The following MPG variants were observed in gnomAD, a reference collection of about 807,000 sequenced individuals.
The protein encoded by MPG is N-methylpurine DNA glycosylase.
Under a neutral mutation model 31.7 loss-of-function variants are expected in MPG, and 33 were observed. That is an observed-to-expected ratio of 1.04 (90% CI 0.79 to 1.39). The LOEUF (loss-of-function observed/expected upper bound fraction) is 1.39, where lower values mean the gene tolerates loss of function less well. Among genes scored for constraint, MPG ranks in the 40% most tolerant of loss-of-function variants. MPG has a pLI of 0.00. For synonymous variants in MPG, 202 were observed against 169.2 expected (o/e 1.19, Z -1.51); for missense variants, 455 against 415.5 (o/e 1.10, Z -0.83).
At chr16:78,102 C>T, upstream of MPG, 1 of 339,124 alleles carries the variant, frequency 2.9e-6, no homozygotes, top group Middle Eastern at 8.4e-4. Context: ...TGGCGGTGGG[C>T]GCTGGGAAGA....
At chr16:81,179 G>A (rs1247478303) in intron 2 of MPG, among the ~76,000 whole-genome samples, 1 of 152,208 alleles carries the variant, frequency 6.6e-6, no homozygotes, top group East Asian at 1.9e-4. Flanking sequence ...GGCTGAGGAG[G>A]GTGTGGTCTC....
At position 78,226 on chromosome 16, in the gene MPG, G is replaced by A; in HGVS notation, c.-84G>A. On this transcript the variant is annotated 5_prime_UTR_variant, in exon 1 of 4. Coordinates refer to ENST00000356432, the MANE Select transcript of MPG (RefSeq NM_001015052.3). ...TCTGCGCAGGCGCCGCTCCGCCCCGGTCCTAGGGGTGCTTCCGTGGTCGGC... is the reference window on the plus strand; with the variant it reads ...TCTGCGCAGGCGCCGCTCCGCCCCGATCCTAGGGGTGCTTCCGTGGTCGGC... 2.3e-6 allele frequency: 3 copies of A among 1,295,894 alleles called. No individual in the cohort carries two copies. Among genetic ancestry groups the A allele is most frequent in the South Asian group, 3.2e-5 (2 of 61,870 alleles). The allele number at this position is 1,295,894 out of a possible 1,614,324, so 80.3% of individuals were successfully genotyped here.
intron 2 of MPG, 91 bp from the exon 3 acceptor site, chr16:82,961 T>TGAGCTGGGGAGATGAGGTCC (rs1159555652): frequency 8.4e-7 from 1 of 1,195,236 alleles, no homozygotes; most frequent in Non-Finnish European, 1.2e-6. Flanking sequence ...TGACACACCC[T>TGAGCTGGGGAGATGAGGTCC]GAGCTGGGGA....
rs1898423192 is a variant in MPG at position 85,626 on chromosome 16, T to C, written c.731T>C (p.Leu244Pro). The change falls in exon 4 of 4, where the codon CTG (leucine) becomes CCG (proline). Residue 244 changes from leucine to proline, a missense_variant. Leu to Pro is a moderately conservative substitution (Grantham distance 98). Coordinates refer to ENST00000356432, the MANE Select transcript of MPG (RefSeq NM_001015052.3). ...GCTGTATGGCTGGAGCGTGGTCCCC[T>C]GGAGCCCAGTGAGCCGGCTGTAGTG... ...DEAVWLERGPLEPSEPAVVAA... is the reference protein window; with the variant it reads ...DEAVWLERGPPEPSEPAVVAA... 3 of 1,597,514 alleles carry C rather than the reference T, an allele frequency of 1.9e-6. No individual in the cohort carries two copies. Among genetic ancestry groups the C allele is most frequent in the South Asian group, 2.2e-5 (2 of 90,472 alleles).
chr16:79,906 G>A, intron 2 of MPG: 2 of 656,270 alleles, frequency 3.0e-6, no homozygotes, highest in East Asian at 2.8e-5. Context: ...TGTCAGTGCT[G>A]CTTGCCCAGG....
chr16:84,926 T>A (rs930795428), intron 3 of MPG, among the ~76,000 whole-genome samples: 2 of 152,226 alleles, frequency 1.3e-5, no homozygotes, highest in Non-Finnish European at 2.9e-5. Context: ...CGCTGGGGCC[T>A]GGCTAGGCCA....
At position 85,656 on chromosome 16, in the gene MPG, C is replaced by A; in HGVS notation, c.761C>A (p.Ala254Glu). 6.3e-7 allele frequency: 1 copy of A among 1,587,328 alleles called. No homozygotes were observed. The highest frequency in any genetic ancestry group is 8.6e-7 in the Non-Finnish European group (1 of 1,162,666). ...LEPSEPAVVA[A>E]ARVGVGHAGE... is the part of the protein sequence containing the mutation. ...CCCAGTGAGCCGGCTGTAGTGGCAG[C>A]AGCCCGGGTGGGCGTCGGCCATGCA... The change falls in exon 4 of 4, where the codon GCA becomes GAA. Residue 254 changes from alanine (A) to glutamate (E), a missense_variant. Physicochemically the swap from Ala to Glu is moderately radical, Grantham distance 107. Transcript: ENST00000356432.
intron 3 of MPG, among the ~76,000 whole-genome samples, chr16:83,706 A>T (rs1024668617): frequency 6.7e-6 from 1 of 148,810 alleles, no homozygotes; most frequent in Non-Finnish European, 1.5e-5. Flanking sequence ...GCGCCATTGC[A>T]CTCCAGCCTG....
rs534192986 is a variant in MPG at position 83,138 on chromosome 16, C to T, written c.387C>T (p.Ala129=). The T allele has an allele frequency of 1.7e-5, 28 of 1,613,150 alleles. No homozygotes were observed. The highest frequency in any genetic ancestry group is 4.0e-5 in the African/African-American group (3 of 75,044). Residue 129 remains alanine (A), a synonymous_variant, in exon 3 of 4, where the codon GCC becomes GCT. Transcript: ENST00000356432. ...TEAYLGPEDE[A]AHSRGGRQTP... ...CATACCTGGGGCCAGAGGATGAAGC[C>T]GCCCACTCAAGGGGTGGCCGGCAGA... is the stretch of plus-strand genomic sequence containing the variant.
intron 2 of MPG, 56 bp from the exon 3 acceptor site, chr16:82,996 T>G: frequency 6.8e-7 from 1 of 1,472,482 alleles, no homozygotes; most frequent in Non-Finnish European, 9.2e-7. Flanking sequence ...TGGGCACTGT[T>G]AGGGTGAGTG....
intron 1 of MPG, among the ~76,000 whole-genome samples, chr16:78,592 C>A (rs551601165): frequency 8.6e-4 from 131 of 152,194 alleles, no homozygotes; most frequent in Non-Finnish European, 1.4e-3. Flanking sequence ...CGTTCCAGGC[C>A]GACTGGCAGT....
At chr16:84,029 T>A (rs1898340107) in intron 3 of MPG, among the ~76,000 whole-genome samples, 1 of 152,066 alleles carries the variant, frequency 6.6e-6, no homozygotes, top group Admixed American at 6.5e-5. Context: ...GGGACTTGGA[T>A]GTGTTCTGTG....
chr16:78,441 CGCCCCGAGG>C, intron 1 of MPG, 108 bp downstream of exon 1: 1 of 978,728 alleles, frequency 1.0e-6, no homozygotes, highest in Non-Finnish European at 1.3e-6. Context: ...TAGCGCCCAC[CGCCCCGAGG>C]GTTCGGGGCA....
In MPG at chr16:80,396, G is replaced by A. The variant is rs540909532; in HGVS notation, c.300+696G>A. Among the ~76,000 whole-genome samples the A allele has an allele frequency of 2.6e-5, 4 of 152,350 alleles. No individual in the cohort carries two copies. The East Asian group carries it at 5.8e-4, about 22-fold the overall frequency. The stretch of plus-strand genomic sequence containing the variant: ...TTATAATCACCAAGAAGAACCAGAA[G>A]AGAAATACCAGTGCCAGGAGTTGGG... On this transcript the variant is annotated intron_variant, in intron 2 of 3. Transcript: ENST00000356432.
chr16:81,300 T>C (rs1898228587), intron 2 of MPG, among the ~76,000 whole-genome samples: 1 of 152,202 alleles, frequency 6.6e-6, no homozygotes, highest in African/African-American at 2.4e-5. Flanking sequence ...AGTGAAATCC[T>C]GATCAGAAAT....
At chr16:78,976 T>G (rs1271247910) in intron 1 of MPG, among the ~76,000 whole-genome samples, 1 of 144,852 alleles carries the variant, frequency 6.9e-6, no homozygotes, top group Non-Finnish European at 1.5e-5. Flanking sequence ...GTGTCCGACC[T>G]TGGCCCTGCT....
Position 85,745 on chromosome 16 carries a change from GA to G in MPG, c.851del (p.Asp284AlafsTer21). ...GGGCAGCCCCTGGGTCAGTGTGGTC[GA>G]CAGAGTGGCTGAGCAGGACACACAG... Reference protein sequence around the residue: ...VRGSPWVSVVDRVAEQDTQA With the variant: ...VRGSPWVSVVXRVAEQDTQA On this transcript the variant is annotated frameshift_variant, in exon 4 of 4. Transcript: ENST00000356432. LOFTEE classifies it high-confidence loss of function. The G allele has an allele frequency of 1.3e-6, 2 of 1,514,564 alleles. No homozygotes were observed. The highest frequency in any genetic ancestry group is 1.8e-6 in the Non-Finnish European group (2 of 1,130,468). The allele number at this position is 1,514,564 out of a possible 1,614,324, so 93.8% of individuals were successfully genotyped here.
In MPG at chr16:78,270, C is replaced by T. The variant is rs183456872; in HGVS notation, c.-40C>T. 23 of 1,368,612 alleles carry T rather than the reference C, an allele frequency of 1.7e-5. No individual in the cohort carries two copies. The highest frequency in any genetic ancestry group is 2.0e-5 in the Non-Finnish European group (21 of 1,056,944). The allele number at this position is 1,368,612 out of a possible 1,614,324, so 84.8% of individuals were successfully genotyped here. A position where few individuals can be genotyped will look rare whatever the true frequency, so the allele number is the denominator to read the frequency against. On this transcript the variant is annotated 5_prime_UTR_variant, in exon 1 of 4. Coordinates refer to ENST00000356432, the MANE Select transcript of MPG (RefSeq NM_001015052.3). The stretch of plus-strand genomic sequence containing the variant: ...GGTCGGCGGCTGCTGGGCTCCGCGC[C>T]GGGGTCCGAGTCCCACGAAGCCCCG...
Position 79,627 on chromosome 16 carries a change from G to T in MPG, c.227G>T (p.Gly76Val). 4 of 1,590,064 alleles carry T rather than the reference G, an allele frequency of 2.5e-6. No individual in the cohort carries two copies. Among genetic ancestry groups the T allele is most frequent in the Non-Finnish European group, 3.4e-6 (4 of 1,167,608 alleles). ...YRSIYFSSPK[G>V]HLTRLGLEFF... The stretch of plus-strand genomic sequence containing the variant: ...AGCATCTATTTCTCAAGCCCAAAGG[G>T]CCACCTTACCCGACTGGGGTTGGAG... Residue 76 changes from glycine to valine, a missense_variant, in exon 2 of 4, where the codon GGC becomes GTC. By Grantham distance (109) the Gly-to-Val change is moderately radical. Coordinates refer to ENST00000356432, the MANE Select transcript of MPG (RefSeq NM_001015052.3).
Sources: allele counts gnomAD v4.1 joint callset (sites outside exome capture counted in the v4.1 genomes callset), GRCh38; gene constraint gnomAD v4.1.1; transcripts MANE v1.5; gene names NCBI Gene and HGNC (gene_info 2026-07-23, HGNC 2026-07-21).